ZNF334: variants seen among roughly 807,000 people sequenced by gnomAD.
ZNF334 encodes the protein zinc finger protein 334.
ZNF334 carries 14 observed loss-of-function variants against 12.4 expected under a neutral mutation model. The ratio of observed to expected loss-of-function variants is 1.13; its 90% CI spans 0.74 to 1.76. The LOEUF is 1.76. Among genes scored for constraint, ZNF334 ranks in the 40% most tolerant of loss-of-function variants. The pLI is 0.00. For missense variants in ZNF334, 797 were observed against 804.5 expected, an observed-to-expected ratio of 0.99 and a Z score of 0.11; for synonymous variants, 273 against 269.6, an observed-to-expected ratio of 1.01 and a Z score of -0.12.
chr20:46,501,087 T>C lies in ZNF334; in HGVS notation c.*209A>G, dbSNP rs1247061354. 1.8e-6 allele frequency: 1 copy of C among 546,914 alleles called. No individual in the cohort carries two copies. Among genetic ancestry groups the C allele is most frequent in the East Asian group, 3.1e-5 (1 of 31,888 alleles). The allele number at this position is 546,914 out of a possible 1,614,324, so 33.9% of individuals were successfully genotyped here. ...TTTGAATTGCTGTTGAATATTTTCA[T>C]AGTTCACAATGAATAATACATTTAT... On this transcript the variant is annotated 3_prime_UTR_variant, in exon 5 of 5. Coordinates refer to ENST00000692313, the MANE Select transcript of ZNF334 (RefSeq NM_001353824.2).
intron 2 of ZNF334, among the ~76,000 whole-genome samples, chr20:46,511,796 T>C (rs1378580071): frequency 1.3e-5 from 2 of 152,172 alleles, no homozygotes; most frequent in African/African-American, 4.8e-5. Flanking sequence ...CTGTCTCTAC[T>C]TCACTTACTC....
At chr20:46,484,560 G>A in the ZNF334 span, 1 of 167,448 alleles carries the variant, frequency 6.0e-6, no homozygotes, top group Admixed American at 6.5e-5. Flanking sequence ...TGTGATGCTG[G>A]ATAACTGTAA....
chr20:46,504,454 G>T, intron 3 of ZNF334, 148 bp from the exon 4 acceptor site: 1 of 1,129,912 alleles, frequency 8.9e-7, no homozygotes, highest in Non-Finnish European at 1.3e-6. Flanking sequence ...AAGGGTAGGG[G>T]AAGGGCAGTG....
intron 2 of ZNF334, among the ~76,000 whole-genome samples, chr20:46,510,294 ATAT>A (rs2061597022): frequency 6.6e-6 from 1 of 152,192 alleles, no homozygotes; most frequent in Non-Finnish European, 1.5e-5. Context: ...AAAGCTACTA[ATAT>A]TATGACAACC....
At chr20:46,496,304 T>C (rs139512280), downstream of ZNF334, among the ~76,000 whole-genome samples, 23 of 152,350 alleles carry the variant, frequency 1.5e-4, no homozygotes, top group African/African-American at 5.5e-4. Context: ...TGCTGCTGCA[T>C]GGCCTCTTCC....
the ZNF334 span, among the ~76,000 whole-genome samples, chr20:46,462,376 G>T: frequency 1.3e-5 from 2 of 152,066 alleles, no homozygotes; most frequent in Non-Finnish European, 2.9e-5. Context: ...CTCCCCTTTA[G>T]CAGAAAAGTG....
downstream of ZNF334, among the ~76,000 whole-genome samples, chr20:46,496,903 T>C (rs998792666): frequency 6.6e-6 from 1 of 152,324 alleles, no homozygotes; most frequent in Non-Finnish European, 1.5e-5. Context: ...TGTCTGTGGG[T>C]TCCAGCTTGT....
At chr20:46,488,415 TA>T in the ZNF334 span, among the ~76,000 whole-genome samples, 1 of 81,050 alleles carries the variant, frequency 1.2e-5, no homozygotes, top group African/African-American at 6.8e-5. Flanking sequence ...CTGTAGCTCT[TA>T]TTTTATATAT....
rs1463795953 is a variant in ZNF334 at position 46,502,038 on chromosome 20, T to G, written c.1301A>C (p.Glu434Ala). 6.2e-7 allele frequency: 1 copy of G among 1,614,170 alleles called. No homozygotes were observed. Among genetic ancestry groups the G allele is most frequent in the Admixed American group, 1.7e-5 (1 of 60,030 alleles). ...TAAAAATTTTCCACATTGACTGCATTCATAGGGCTTCTCTCCTGTATGACT... is the reference window on the plus strand; with the variant it reads ...TAAAAATTTTCCACATTGACTGCATGCATAGGGCTTCTCTCCTGTATGACT... ...RRSHTGEKPY[E>A]CSQCGKFLCT... The change falls in exon 5 of 5, where the codon GAA (glutamate) becomes GCA (alanine). Residue 434 changes from glutamate (E) to alanine (A), a missense_variant. Transcript: ENST00000692313.
chr20:46,504,096 A>G (rs542091599), intron 4 of ZNF334, 118 bp downstream of exon 4: 1 of 600,742 alleles, frequency 1.7e-6, no homozygotes, highest in Admixed American at 3.3e-5. Flanking sequence ...ATCACTTCTA[A>G]AGGTCTGGGC....
At position 46,499,666 on chromosome 20, in the gene ZNF334, A is replaced by G. The variant is rs981490343; in HGVS notation, c.*1630T>C. 6.6e-6 allele frequency: 1 copy of G among 152,226 alleles called. No individual in the cohort carries two copies. The highest frequency in any genetic ancestry group is 1.9e-4 in the East Asian group (1 of 5,200). 9.4% of individuals were successfully genotyped at this position (152,226 alleles called of 1,614,324 possible). A position where few individuals can be genotyped will look rare whatever the true frequency, so the allele number is the denominator to read the frequency against. ...TGTTTTTCTTTACTCTATTAGTTTCAAAGTGAAAGGTAACTTAATTTCTTT... is the reference window on the plus strand; with the variant it reads ...TGTTTTTCTTTACTCTATTAGTTTCGAAGTGAAAGGTAACTTAATTTCTTT... On this transcript the variant is annotated 3_prime_UTR_variant, in exon 5 of 5. Transcript: ENST00000692313.
chr20:46,504,526 G>A (rs2061363820), intron 3 of ZNF334, 88 bp downstream of exon 3: 12 of 1,483,872 alleles, frequency 8.1e-6, no homozygotes, highest in East Asian at 4.6e-5. Flanking sequence ...CTGATGCTCA[G>A]GGCTAAATAA....
the ZNF334 span, among the ~76,000 whole-genome samples, chr20:46,486,412 TA>T: frequency 1.3e-4 from 20 of 152,210 alleles, no homozygotes; most frequent in African/African-American, 4.6e-4. Context: ...AAACTCTGTC[TA>T]AAAAAATAAA....
At position 46,512,960 on chromosome 20, in the gene ZNF334, C is replaced by T. The variant is rs902937811; in HGVS notation, c.-459G>A. 2.0e-5 allele frequency: 3 copies of T among 152,092 alleles called. No individual in the cohort carries two copies. Among genetic ancestry groups the T allele is most frequent in the Non-Finnish European group, 4.4e-5 (3 of 68,048 alleles). The allele number at this position is 152,092 out of a possible 1,614,324, so 9.4% of individuals were successfully genotyped here. A position where few individuals can be genotyped will look rare whatever the true frequency, so the allele number is the denominator to read the frequency against. On this transcript the variant is annotated 5_prime_UTR_variant, in exon 1 of 5. It removes an upstream start codon present in the reference 5' UTR. Coordinates refer to ENST00000692313, the MANE Select transcript of ZNF334 (RefSeq NM_001353824.2). ...AGAGGGTGGAGATGGTAGGGAATGA[C>T]ATGTATGTGTTTAGGAAGTGATGAA...
At chr20:46,506,203 G>A (rs947227556) in intron 2 of ZNF334, 22 of 415,408 alleles carry the variant, frequency 5.3e-5, no homozygotes, top group Non-Finnish European at 5.6e-5. Context: ...AGATACCACA[G>A]TGATCAGAAG....
chr20:46,485,939 C>T, the ZNF334 span, among the ~76,000 whole-genome samples: 4 of 152,204 alleles, frequency 2.6e-5, no homozygotes, highest in South Asian at 2.1e-4. Flanking sequence ...ATTTTTTATG[C>T]ACCTCTGAAC....
the ZNF334 span, chr20:46,464,583 T>C: frequency 2.4e-6 from 1 of 412,674 alleles, no homozygotes; most frequent in East Asian, 5.6e-5. Flanking sequence ...CTGGGCAGCA[T>C]CCATTGGAGG....
At chr20:46,508,207 G>T (rs1177657851) in intron 2 of ZNF334, among the ~76,000 whole-genome samples, 2 of 152,166 alleles carry the variant, frequency 1.3e-5, no homozygotes, top group Admixed American at 1.3e-4. Context: ...CAGAGCAGAG[G>T]AGAGTTCACC....
chr20:46,468,314 C>T, the ZNF334 span, among the ~76,000 whole-genome samples: 3 of 150,822 alleles, frequency 2.0e-5, no homozygotes, highest in Admixed American at 1.3e-4. Context: ...CTCGCTCTGT[C>T]GCCCAGGCTG....
Sources: allele counts gnomAD v4.1 joint callset (sites outside exome capture counted in the v4.1 genomes callset), GRCh38; gene constraint gnomAD v4.1.1; transcripts MANE v1.5; gene names NCBI Gene and HGNC (gene_info 2026-07-23, HGNC 2026-07-21).